The following CHCHD3 variants were observed in gnomAD, a reference collection of about 807,000 sequenced individuals.
The protein encoded by CHCHD3 is coiled-coil-helix-coiled-coil-helix domain containing 3.
In CHCHD3, 20 loss-of-function variants were observed where a neutral mutation model predicts 38.2. The observed-to-expected ratio is 0.52, with a 90% CI of 0.37 to 0.76. The LOEUF is 0.76. Ranked by LOEUF, CHCHD3 falls within the 30% of genes least tolerant of loss-of-function variation. The pLI is 0.00. For synonymous variants in CHCHD3, 82 were observed against 100.0 expected (o/e 0.82, Z 1.07); for missense variants, 245 against 279.2 (o/e 0.88, Z 0.87).
chr7:132,966,916 T>C (rs955507809), intron 4 of CHCHD3, among the ~76,000 whole-genome samples: 1 of 152,162 alleles, frequency 6.6e-6, no homozygotes, highest in Non-Finnish European at 1.5e-5. Flanking sequence ...TTCGATAAAA[T>C]TCCAACAGAC....
At chr7:132,815,780 C>T (rs1413206512) in intron 6 of CHCHD3, among the ~76,000 whole-genome samples, 1 of 152,136 alleles carries the variant, frequency 6.6e-6, no homozygotes. Context: ...TTCTGGTTTA[C>T]GCACCGTCAG....
intron 4 of CHCHD3, among the ~76,000 whole-genome samples, chr7:132,912,590 T>C (rs1304057314): frequency 6.6e-6 from 1 of 152,226 alleles, no homozygotes; most frequent in African/African-American, 2.4e-5. Context: ...AGTCTCACTC[T>C]GTTACCCAGG....
intron 6 of CHCHD3, among the ~76,000 whole-genome samples, chr7:132,804,156 C>A (rs1012945722): frequency 3.9e-5 from 6 of 152,018 alleles, no homozygotes; most frequent in African/African-American, 9.7e-5. Context: ...AACAATCAAC[C>A]TAAGACTTAA....
chr7:132,879,294 G>C (rs547641194), intron 5 of CHCHD3, among the ~76,000 whole-genome samples: 1 of 151,946 alleles, frequency 6.6e-6, no homozygotes, highest in East Asian at 1.9e-4. Flanking sequence ...AAGAACAAAT[G>C]CATGCCACAT....
intron 4 of CHCHD3, among the ~76,000 whole-genome samples, chr7:132,961,568 CATCT>C (rs1811321875): frequency 6.6e-6 from 1 of 152,180 alleles, no homozygotes; most frequent in Non-Finnish European, 1.5e-5. Flanking sequence ...TTAATTAACA[CATCT>C]ATCATCTCAC....
intron 3 of CHCHD3, among the ~76,000 whole-genome samples, chr7:132,999,202 T>C (rs1329563742): frequency 2.0e-5 from 3 of 152,182 alleles, no homozygotes; most frequent in East Asian, 3.8e-4. Flanking sequence ...ATTTCAACAA[T>C]CACTAAAATA....
At chr7:132,866,678 T>A (rs1808633618) in intron 5 of CHCHD3, among the ~76,000 whole-genome samples, 1 of 152,146 alleles carries the variant, frequency 6.6e-6, no homozygotes, top group Non-Finnish European at 1.5e-5. Flanking sequence ...AGAATTAGAG[T>A]CACTCTTGAA....
At chr7:132,947,571 A>G (rs556703526) in intron 4 of CHCHD3, among the ~76,000 whole-genome samples, 4 of 152,172 alleles carry the variant, frequency 2.6e-5, no homozygotes, top group Admixed American at 6.6e-5. Context: ...CAAGTTTTAC[A>G]TTTAACAGAC....
At chr7:132,833,364 A>T (rs1284248081) in intron 6 of CHCHD3, among the ~76,000 whole-genome samples, 1 of 152,192 alleles carries the variant, frequency 6.6e-6, no homozygotes, top group African/African-American at 2.4e-5. Flanking sequence ...AAAATTTTAA[A>T]TCTATTGTGG....
chr7:133,011,114 A>C (rs1178372898), intron 3 of CHCHD3, among the ~76,000 whole-genome samples: 1 of 152,158 alleles, frequency 6.6e-6, no homozygotes, highest in Non-Finnish European at 1.5e-5. Flanking sequence ...CTATAGGCAC[A>C]AACAGGTTTG....
chr7:132,831,052 A>G (rs766991450), intron 6 of CHCHD3, among the ~76,000 whole-genome samples: 198 of 152,328 alleles, frequency 1.3e-3, no homozygotes, highest in Non-Finnish European at 2.4e-3. Context: ...TTAATTAGTT[A>G]GTAAAAGCCC....
chr7:132,914,123 CGTGTGTGTGT>C (rs200561468), intron 4 of CHCHD3, among the ~76,000 whole-genome samples: 3,147 of 132,274 alleles, frequency 0.024, 264 homozygotes, highest in Admixed American at 0.17. Flanking sequence ...CCATGCCTGG[CGTGTGTGTGT>C]GTGTGTGTGT....
chr7:132,898,880 G>GGGCC, intron 4 of CHCHD3, among the ~76,000 whole-genome samples: 1 of 152,326 alleles, frequency 6.6e-6, no homozygotes, highest in Non-Finnish European at 1.5e-5. Context: ...GGGGCCGGCA[G>GGGCC]GGCCGGCCGG....
At chr7:132,867,072 C>G (rs896886735) in intron 5 of CHCHD3, among the ~76,000 whole-genome samples, 6 of 152,184 alleles carry the variant, frequency 3.9e-5, no homozygotes, top group Non-Finnish European at 8.8e-5. Context: ...TAGAACCCAT[C>G]ACCACTTGAC....
chr7:132,802,280 G>A (rs560349919), intron 6 of CHCHD3, among the ~76,000 whole-genome samples: 2 of 152,230 alleles, frequency 1.3e-5, no homozygotes, highest in Admixed American at 1.3e-4. Flanking sequence ...TGTCTTCTCT[G>A]TGGTGCTCAG....
At chr7:133,045,807 G>A (rs1282059078) in intron 2 of CHCHD3, among the ~76,000 whole-genome samples, 1 of 152,024 alleles carries the variant, frequency 6.6e-6, no homozygotes, top group Non-Finnish European at 1.5e-5. Flanking sequence ...TTCTTATAGT[G>A]AGTTCTCATG....
At chr7:132,826,887 T>G (rs1807521723) in intron 6 of CHCHD3, among the ~76,000 whole-genome samples, 1 of 152,120 alleles carries the variant, frequency 6.6e-6, no homozygotes, top group Non-Finnish European at 1.5e-5. Context: ...GGTCCTAGGT[T>G]GAAGAGGAGG....
chr7:133,045,857 C>CCCT (rs1813967778), intron 2 of CHCHD3, among the ~76,000 whole-genome samples: 1 of 151,826 alleles, frequency 6.6e-6, no homozygotes, highest in Non-Finnish European at 1.5e-5. Context: ...CTCTCGCTGC[C>CCCT]CCTCCTCCTC....
chr7:133,034,304 A>C (rs1051167031), intron 2 of CHCHD3, among the ~76,000 whole-genome samples: 2 of 152,188 alleles, frequency 1.3e-5, no homozygotes, highest in Non-Finnish European at 2.9e-5. Flanking sequence ...TCCTTTTTGA[A>C]ATTAAGGAAG....
Sources: gnomAD v4.1 joint callset for allele counts (sites outside exome capture counted in the v4.1 genomes callset) on GRCh38, gnomAD v4.1.1 for gene constraint, MANE v1.5 for transcripts, NCBI Gene and HGNC (gene_info 2026-07-23, HGNC 2026-07-21) for gene names.